Variants in MAPK10 observed in about 807,000 individuals in gnomAD.
The protein encoded by MAPK10 is JNK3 alpha protein kinase.
A neutral mutation model predicts 59.3 loss-of-function variants in MAPK10; 25 were observed. The ratio of observed to expected loss-of-function variants is 0.42; its 90% CI spans 0.31 to 0.59. MAPK10 has a LOEUF of 0.59. Among genes scored for constraint, MAPK10 ranks in the 20% least tolerant of loss-of-function variants. The pLI, the probability that MAPK10 is intolerant of heterozygous loss-of-function variation, is 0.15. For synonymous variants in MAPK10, 190 were observed against 200.5 expected, an observed-to-expected ratio of 0.95 and a Z score of 0.44; for missense variants, 351 against 568.9, an observed-to-expected ratio of 0.62 and a Z score of 3.90.
At chr4:86,363,353 C>A (rs900999595), upstream of MAPK10, among the ~76,000 whole-genome samples, 7 of 152,094 alleles carry the variant, frequency 4.6e-5, no homozygotes, top group Non-Finnish European at 8.8e-5. Flanking sequence ...GTTCCTGGAA[C>A]CAATCCCCCT....
At position 86,173,882 on chromosome 4, in the gene MAPK10, A is replaced by C. The variant is rs1330986487; in HGVS notation, c.67-14415T>G. 2.0e-5 allele frequency among the ~76,000 whole-genome samples: 3 copies of C among 152,348 alleles called. No homozygotes were observed. In the East Asian group the frequency reaches 5.8e-4, roughly 29 times the overall value. Reference sequence around the variant, plus strand: ...CAACAAACATGAAAAAAAGCTCGTCACTGATTATTAGAGAAATGCAAATCA... The same window carrying C: ...CAACAAACATGAAAAAAAGCTCGTCCCTGATTATTAGAGAAATGCAAATCA... On this transcript the variant is annotated intron_variant, in intron 3 of 13. Transcript: ENST00000641462.
intron 3 of MAPK10, among the ~76,000 whole-genome samples, chr4:86,161,676 A>C (rs1270916919): frequency 1.3e-5 from 2 of 152,038 alleles, no homozygotes; most frequent in Non-Finnish European, 2.9e-5. Flanking sequence ...CACACACAAA[A>C]TCTTTAGCAC....
Position 86,355,702 on chromosome 4 carries a change from G to A in MAPK10, c.-121-1058C>T, listed in dbSNP as rs184984840. The stretch of plus-strand genomic sequence containing the variant: ...AAACAGAAAAAGTCAGTCCCTGATG[G>A]GGATTAAACCTTAGTAGAGAATACA... On this transcript the variant is annotated intron_variant, in intron 1 of 13. Coordinates refer to ENST00000641462, the MANE Select transcript of MAPK10 (RefSeq NM_138982.4). Among the ~76,000 whole-genome samples, 27 of 152,200 alleles carry A rather than the reference G, an allele frequency of 1.8e-4. No homozygotes were observed. The South Asian group carries it at 2.3e-3, about 13-fold the overall frequency.
At chr4:86,406,914 T>G (rs1340649051) in intron 1 of MAPK10, among the ~76,000 whole-genome samples, 1 of 152,106 alleles carries the variant, frequency 6.6e-6, no homozygotes, top group Non-Finnish European at 1.5e-5. Context: ...TAACAACCTC[T>G]CCTTAATGAC....
chr4:86,468,384 C>G (rs1256265862), intron 1 of MAPK10, among the ~76,000 whole-genome samples: 1 of 152,160 alleles, frequency 6.6e-6, no homozygotes, highest in Non-Finnish European at 1.5e-5. Flanking sequence ...TAATGGCTCT[C>G]CTTACTAAGT....
chr4:86,241,407 T>C (rs2092712984), intron 2 of MAPK10, among the ~76,000 whole-genome samples: 1 of 152,164 alleles, frequency 6.6e-6, no homozygotes, highest in Non-Finnish European at 1.5e-5. Flanking sequence ...TCCTGGATAA[T>C]ATCCTGAAGT....
chr4:86,459,604 G>A (rs1030732423), intron 1 of MAPK10, among the ~76,000 whole-genome samples: 12 of 152,186 alleles, frequency 7.9e-5, no homozygotes, highest in Non-Finnish European at 1.3e-4. Flanking sequence ...ATGAATTAAT[G>A]GCATTCGCAG....
rs372022564 is a variant in MAPK10, at chr4:86,391,807, A to G, written c.-121-37163T>C. On this transcript the variant is annotated intron_variant, in intron 1 of 13. Transcript: ENST00000361569. ...GTGAACCATTGTCTTTTGATTACCC[A>G]GCATGCATTCACACTTACTTCCTTC... 6.6e-5 allele frequency among the ~76,000 whole-genome samples: 10 copies of G among 152,326 alleles called. No individual in the cohort carries two copies. In the East Asian group the frequency reaches 1.4e-3, roughly 21 times the overall value.
At chr4:86,202,846 A>G (rs2082948509) in intron 2 of MAPK10, among the ~76,000 whole-genome samples, 1 of 152,022 alleles carries the variant, frequency 6.6e-6, no homozygotes, top group Non-Finnish European at 1.5e-5. Flanking sequence ...GTGTAACACC[A>G]TAGCTAAAAA....
intron 2 of MAPK10, among the ~76,000 whole-genome samples, chr4:86,351,907 C>T (rs1389786650): frequency 6.6e-6 from 1 of 152,092 alleles, no homozygotes; most frequent in Non-Finnish European, 1.5e-5. Context: ...GCAGGTACTT[C>T]ACAAAAGACG....
At chr4:86,526,362 G>A (rs1757470406) in intron 1 of MAPK10, among the ~76,000 whole-genome samples, 1 of 152,086 alleles carries the variant, frequency 6.6e-6, no homozygotes, top group African/African-American at 2.4e-5. Flanking sequence ...GCGCCTAGAG[G>A]TGTTCATAAT....
At chr4:86,460,242 A>G (rs1001607123) in intron 1 of MAPK10, among the ~76,000 whole-genome samples, 1 of 152,206 alleles carries the variant, frequency 6.6e-6, no homozygotes. Flanking sequence ...GGGTATTGAT[A>G]AAACATTAGA....
At chr4:86,415,339 T>C (rs1745731423) in intron 1 of MAPK10, among the ~76,000 whole-genome samples, 1 of 152,200 alleles carries the variant, frequency 6.6e-6, no homozygotes, top group Admixed American at 6.5e-5. Context: ...TCAGCTTAAC[T>C]TTCAATGTTT....
At chr4:86,464,529 T>C (rs1203006924) in intron 1 of MAPK10, among the ~76,000 whole-genome samples, 1 of 152,234 alleles carries the variant, frequency 6.6e-6, no homozygotes, top group African/African-American at 2.4e-5. Context: ...AAGAGTAGAA[T>C]GCACCCTTTT....
intron 9 of MAPK10, chr4:86,089,388 C>T (rs2052617342): frequency 1.4e-6 from 1 of 711,226 alleles, no homozygotes. Flanking sequence ...TTTTCACTGA[C>T]TGGATGAGAG....
chr4:86,080,576 A>G (rs2050438316), intron 9 of MAPK10: 1 of 151,980 alleles, frequency 6.6e-6, no homozygotes, highest in Non-Finnish European at 1.5e-5. Context: ...ACTTCGGGAG[A>G]AAAAAATAAT....
intron 3 of MAPK10, among the ~76,000 whole-genome samples, chr4:86,189,751 G>T (rs2079197486): frequency 6.6e-6 from 1 of 152,046 alleles, no homozygotes; most frequent in South Asian, 2.1e-4. Context: ...TCATTCTCTT[G>T]CCTGATTGCC....
At chr4:86,163,203 AC>A (rs1278202874) in intron 3 of MAPK10, among the ~76,000 whole-genome samples, 1 of 152,118 alleles carries the variant, frequency 6.6e-6, no homozygotes, top group Non-Finnish European at 1.5e-5. Flanking sequence ...TGATGTCATA[AC>A]CAAAAATTTG....
At chr4:86,377,941 G>A (rs1414910856) in intron 1 of MAPK10, among the ~76,000 whole-genome samples, 1 of 152,034 alleles carries the variant, frequency 6.6e-6, no homozygotes, top group Non-Finnish European at 1.5e-5. Context: ...TAGCTGCTCT[G>A]GCAGCTGATT....
Sources: allele counts gnomAD v4.1 joint callset (sites outside exome capture counted in the v4.1 genomes callset), GRCh38; gene constraint gnomAD v4.1.1; transcripts MANE v1.5; gene names NCBI Gene and HGNC (gene_info 2026-07-23, HGNC 2026-07-21).